ARHGEF18: variants seen among roughly 807,000 people sequenced by gnomAD.
ARHGEF18 encodes the protein rho guanine nucleotide exchange factor 18.
Under a neutral mutation model 155.7 loss-of-function variants are expected in ARHGEF18, and 93 were observed. The observed-to-expected ratio is 0.60, with a 90% CI of 0.50 to 0.71. The LOEUF (loss-of-function observed/expected upper bound fraction) is 0.71. ARHGEF18 is among the 30% of genes least tolerant of loss of function. ARHGEF18 has a pLI of 0.00. For synonymous variants in ARHGEF18, 742 were observed against 753.1 expected (o/e 0.99, Z 0.24); for missense variants, 1,593 against 1,816.1 (o/e 0.88, Z 2.23).
At chr19:7,357,913 G>A (rs1021570194) in intron 1 of ARHGEF18, among the ~76,000 whole-genome samples, 1 of 152,012 alleles carries the variant, frequency 6.6e-6, no homozygotes, top group Non-Finnish European at 1.5e-5. Flanking sequence ...AGTGCAGTCT[G>A]TGCCTCGCTC....
rs768520994 is a variant in ARHGEF18, at chr19:7,441,892, A to C, written c.1220-20A>C. 26 of 1,613,758 alleles carry C rather than the reference A, an allele frequency of 1.6e-5. No homozygotes were observed. The South Asian group carries it at 2.5e-4, about 16-fold the overall frequency. On this transcript the variant is annotated intron_variant, in intron 12 of 28. Coordinates refer to ENST00000668164, the MANE Select transcript of ARHGEF18 (RefSeq NM_001367823.1). ...GCATGGCTCTGGGCCCCCAGCAGCCACACCTCGCTCTTCCCTCAGATCCCT... is the reference window on the plus strand; with the variant it reads ...GCATGGCTCTGGGCCCCCAGCAGCCCCACCTCGCTCTTCCCTCAGATCCCT...
At chr19:7,468,736 G>A (rs538357898) in intron 26 of ARHGEF18, 89 bp from the exon 27 acceptor site, 98 of 1,363,338 alleles carry the variant, frequency 7.2e-5, no homozygotes, top group South Asian at 3.1e-4. Context: ...AGGAGAGGTC[G>A]AGGGTCTCCT....
At position 7,462,710 on chromosome 19, in the gene ARHGEF18, C is replaced by T. The variant is rs905615277; in HGVS notation, c.2635+376C>T. ...TGGGAGGTGGGTCCTGGTGATATCC[C>T]CAGAAAAACACACGCACACTCCCTC... On this transcript the variant is annotated intron_variant, in intron 21 of 28. Transcript: ENST00000668164. The surrounding 1 kb of genome is among the most constrained non-coding windows in gnomAD (Gnocchi z 4.4). 1.2e-4 allele frequency among the ~76,000 whole-genome samples: 18 copies of T among 152,128 alleles called. No homozygotes were observed. Among genetic ancestry groups the T allele is most frequent in the African/African-American group, 4.3e-4 (18 of 41,422 alleles).
intron 18 of ARHGEF18, among the ~76,000 whole-genome samples, chr19:7,457,414 G>A (rs987938924): frequency 7.7e-6 from 1 of 129,096 alleles, no homozygotes; most frequent in African/African-American, 3.0e-5. Context: ...AGGCTGGAGT[G>A]TGCAATGACA....
intron 10 of ARHGEF18, among the ~76,000 whole-genome samples, chr19:7,409,057 C>CTTTTTTTT (rs1013156166): frequency 2.6e-5 from 3 of 115,540 alleles, no homozygotes; most frequent in African/African-American, 7.3e-5. Flanking sequence ...GACCCTGTTT[C>CTTTTTTTT]TTTTTTTTTT....
At chr19:7,473,230 C>T (rs532491983), downstream of ARHGEF18, 3 of 456,202 alleles carry the variant, frequency 6.6e-6, no homozygotes, top group Admixed American at 2.3e-5. Context: ...GAGGGTTTCC[C>T]ATCACAAGGG....
intron 10 of ARHGEF18, among the ~76,000 whole-genome samples, chr19:7,427,129 G>A (rs1015952367): frequency 1.3e-5 from 2 of 152,108 alleles, no homozygotes; most frequent in Non-Finnish European, 2.9e-5. Flanking sequence ...TTTTGCTGTC[G>A]CAGAACCTGC....
chr19:7,375,977 C>A, intron 4 of ARHGEF18, 107 bp downstream of exon 4: 1 of 1,185,220 alleles, frequency 8.4e-7, no homozygotes, highest in Non-Finnish European at 1.1e-6. Context: ...CGCTTACCCA[C>A]CATGGCAGGG....
chr19:7,419,106 G>A (rs976074557), intron 10 of ARHGEF18, among the ~76,000 whole-genome samples: 2 of 142,290 alleles, frequency 1.4e-5, no homozygotes, highest in Non-Finnish European at 3.0e-5. Context: ...CCCACACTTG[G>A]CCTCTGTACC....
intron 10 of ARHGEF18, among the ~76,000 whole-genome samples, chr19:7,417,718 A>C (rs995381793): frequency 6.6e-6 from 1 of 152,146 alleles, no homozygotes; most frequent in African/African-American, 2.4e-5. Context: ...AATGAAAAAG[A>C]AGATGGGGAC....
intron 10 of ARHGEF18, among the ~76,000 whole-genome samples, chr19:7,405,532 G>A (rs1020391655): frequency 3.9e-5 from 6 of 152,216 alleles, no homozygotes; most frequent in Non-Finnish European, 7.3e-5. Flanking sequence ...CTTAGTGGAC[G>A]TGAATTTTGG....
rs759270951 is a variant in ARHGEF18, at chr19:7,463,790, C to T, written c.2636-28C>T. 247 of 1,583,296 alleles carry T rather than the reference C, an allele frequency of 1.6e-4. 2 individuals carry two copies. The highest frequency in any genetic ancestry group is 1.1e-3 in the Middle Eastern group (6 of 5,330). On this transcript the variant is annotated intron_variant, in intron 21 of 28. Transcript: ENST00000668164. This position sits in a 1 kb window ranked among gnomAD's most constrained non-coding sequence, Gnocchi z 5.2. Reference sequence around the variant, plus strand: ...CCCAGCACACTTCCGCAGGGCGACCCGTGCCTCCTGTCCCCTTCCTTCCAC... The same window carrying T: ...CCCAGCACACTTCCGCAGGGCGACCTGTGCCTCCTGTCCCCTTCCTTCCAC...
rs117826893 is a variant in ARHGEF18 at position 7,402,191 on chromosome 19, C to T, written c.967+18988C>T. Among the ~76,000 whole-genome samples the T allele has an allele frequency of 8.4e-4, 128 of 152,182 alleles. 1 individual carries two copies. In the East Asian group the frequency reaches 0.021, roughly 25 times the overall value. On this transcript the variant is annotated intron_variant, in intron 10 of 28. Transcript: ENST00000668164. The stretch of plus-strand genomic sequence containing the variant: ...ATCCCAGCACTTTGGGAGGCCAAGA[C>T]GGGCAGATCACAACGTCAGGAGTTC...
chr19:7,377,150 A>T (rs1970497232), intron 5 of ARHGEF18, among the ~76,000 whole-genome samples: 1 of 151,592 alleles, frequency 6.6e-6, no homozygotes, highest in African/African-American at 2.4e-5. Flanking sequence ...AGTTCACTGC[A>T]ACCTCCGCCT....
In ARHGEF18 at chr19:7,438,071, T is replaced by C. The variant is rs797002382; in HGVS notation, c.968-2273T>C. On this transcript the variant is annotated intron_variant, in intron 10 of 28. Coordinates refer to ENST00000668164, the MANE Select transcript of ARHGEF18 (RefSeq NM_001367823.1). Reference sequence around the variant, plus strand: ...CTCTCTTCTCTCTTCTCTTCTCCCCTCCCCTCCCCTCCCTTCCCCTCTCCT... The same window carrying C: ...CTCTCTTCTCTCTTCTCTTCTCCCCCCCCCTCCCCTCCCTTCCCCTCTCCT... 2.7e-3 allele frequency among the ~76,000 whole-genome samples: 113 copies of C among 41,174 alleles called. 1 individual carries two copies. Among genetic ancestry groups the C allele is most frequent in the South Asian group, 5.7e-3 (5 of 876 alleles). The allele number at this position is 41,174 out of a possible 152,430, so 27.0% of individuals were successfully genotyped here.
At chr19:7,449,919 C>G (rs568555768) in intron 15 of ARHGEF18, among the ~76,000 whole-genome samples, 62 of 152,288 alleles carry the variant, frequency 4.1e-4, no homozygotes, top group African/African-American at 1.4e-3. Context: ...CTCAAGCATT[C>G]CTTCCACCTT....
At chr19:7,454,367 G>A (rs535958859) in intron 17 of ARHGEF18, among the ~76,000 whole-genome samples, 2 of 151,998 alleles carry the variant, frequency 1.3e-5, no homozygotes, top group African/African-American at 4.8e-5. Context: ...CTGGATCAGT[G>A]AGTACCATCT....
In ARHGEF18 at chr19:7,459,954, G is replaced by A; in HGVS notation, c.2412G>A (p.Lys804=). ...GPFSLPEEER[K]VVEARATRLR... ...TCAGCCTGCCCGAAGAGGAAAGGAAGGTGGTCGAGGCCCGCGCCACGAGAC... is the reference window on the plus strand; with the variant it reads ...TCAGCCTGCCCGAAGAGGAAAGGAAAGTGGTCGAGGCCCGCGCCACGAGAC... The change falls in exon 20 of 29, where the codon AAG becomes AAA. Residue 804 remains lysine, a synonymous_variant. Coordinates refer to ENST00000668164, the MANE Select transcript of ARHGEF18 (RefSeq NM_001367823.1). The A allele has an allele frequency of 6.3e-7, 1 of 1,591,790 alleles. No homozygotes were observed. Among genetic ancestry groups the A allele is most frequent in the Non-Finnish European group, 8.6e-7 (1 of 1,169,150 alleles).
chr19:7,352,332 T>A (rs1969178938), intron 1 of ARHGEF18, among the ~76,000 whole-genome samples: 2 of 151,854 alleles, frequency 1.3e-5, no homozygotes, highest in Non-Finnish European at 2.9e-5. Context: ...TGTAGTCTTT[T>A]AGGGGTGGCA....
Sources: gnomAD v4.1 joint callset for allele counts (sites outside exome capture counted in the v4.1 genomes callset) on GRCh38, gnomAD v4.1.1 for gene constraint, Gnocchi (gnomAD v3.1) non-coding constraint, MANE v1.5 for transcripts, NCBI Gene and HGNC (gene_info 2026-07-23, HGNC 2026-07-21) for gene names.